Variants in VWA8 observed in about 807,000 individuals in gnomAD.
The protein encoded by VWA8 is von Willebrand factor A domain-containing protein 8.
Under a neutral mutation model 241.5 loss-of-function variants are expected in VWA8, and 221 were observed. That is an observed-to-expected ratio of 0.91 (90% CI 0.82 to 1.02). The LOEUF (loss-of-function observed/expected upper bound fraction) is 1.02. Among genes scored for constraint, VWA8 ranks in the 50% least tolerant of loss-of-function variants. VWA8 has a pLI of 0.00. For missense variants in VWA8, 2,322 were observed against 2,328.7 expected (o/e 1.00, Z 0.06); for synonymous variants, 852 against 827.1 (o/e 1.03, Z -0.52).
intron 12 of VWA8, among the ~76,000 whole-genome samples, chr13:41,851,509 A>G (rs147181271): frequency 2.5e-3 from 385 of 152,272 alleles, no homozygotes; most frequent in African/African-American, 9.0e-3. Context: ...TAATTGAATC[A>G]TGGAGCCTGG....
intron 4 of VWA8, among the ~76,000 whole-genome samples, chr13:41,895,961 C>T (rs1262158973): frequency 6.6e-6 from 1 of 150,562 alleles, no homozygotes; most frequent in Non-Finnish European, 1.5e-5. Flanking sequence ...TTCTAAATGT[C>T]TCTAACTTTC....
chr13:41,791,702 TA>T (rs1869470758), intron 17 of VWA8, among the ~76,000 whole-genome samples: 1 of 151,924 alleles, frequency 6.6e-6, no homozygotes, highest in South Asian at 2.1e-4. Context: ...TTATGATAGA[TA>T]ACTGTAAATG....
chr13:41,670,066 C>T (rs1349579887), intron 37 of VWA8, among the ~76,000 whole-genome samples: 1 of 151,888 alleles, frequency 6.6e-6, no homozygotes, highest in Non-Finnish European at 1.5e-5. Flanking sequence ...CAAAAATAAT[C>T]ACATAAAATA....
At chr13:41,709,458 T>A (rs1009070311) in intron 26 of VWA8, among the ~76,000 whole-genome samples, 3 of 152,254 alleles carry the variant, frequency 2.0e-5, no homozygotes, top group Admixed American at 6.5e-5. Flanking sequence ...GGAGTCTTTT[T>A]AAATTAGAAA....
At chr13:41,812,886 A>T (rs115691807) in intron 16 of VWA8, among the ~76,000 whole-genome samples, 1,671 of 152,314 alleles carry the variant, frequency 0.011, 31 homozygotes, top group African/African-American at 0.039. Flanking sequence ...TAAATCATAA[A>T]TTACAATTCA....
intron 12 of VWA8, among the ~76,000 whole-genome samples, chr13:41,863,664 C>T (rs1332636424): frequency 6.6e-6 from 1 of 151,598 alleles, no homozygotes; most frequent in Non-Finnish European, 1.5e-5. Flanking sequence ...AAAATCATGT[C>T]CTTTGCAGCA....
intron 38 of VWA8, among the ~76,000 whole-genome samples, chr13:41,613,405 A>G (rs1306526138): frequency 1.3e-5 from 2 of 152,226 alleles, no homozygotes; most frequent in Admixed American, 1.3e-4. Flanking sequence ...GACAGTGACA[A>G]TGAGCTATAG....
chr13:41,683,470 TG>T (rs2045114510), intron 35 of VWA8, among the ~76,000 whole-genome samples: 1 of 152,118 alleles, frequency 6.6e-6, no homozygotes, highest in South Asian at 2.1e-4. Flanking sequence ...CAAAATGGAA[TG>T]GGGGAAGTTT....
At chr13:41,863,853 G>A (rs373782549) in intron 12 of VWA8, among the ~76,000 whole-genome samples, 418 of 152,184 alleles carry the variant, frequency 2.7e-3, no homozygotes, top group African/African-American at 8.4e-3. Flanking sequence ...CAGATACTAT[G>A]TTTAACTGCC....
At chr13:41,784,680 T>TTATAAATATACATATACA (rs1869059439) in intron 18 of VWA8, among the ~76,000 whole-genome samples, 1 of 57,616 alleles carries the variant, frequency 1.7e-5, no homozygotes, top group African/African-American at 5.8e-5. Flanking sequence ...CTCTCTCTCT[T>TTATAAATATACATATACA]TATACATATA....
intron 12 of VWA8, among the ~76,000 whole-genome samples, chr13:41,860,506 G>C (rs531515384): frequency 6.6e-6 from 1 of 152,252 alleles, no homozygotes; most frequent in Non-Finnish European, 1.5e-5. Flanking sequence ...ACTCAAAAGT[G>C]TATCAGGAAA....
intron 17 of VWA8, among the ~76,000 whole-genome samples, chr13:41,810,989 T>C (rs1005712127): frequency 6.6e-6 from 1 of 152,090 alleles, no homozygotes; most frequent in Non-Finnish European, 1.5e-5. Context: ...TTCTGCAGGC[T>C]GTACAGGAAG....
chr13:41,788,053 G>A (rs1487705820), intron 17 of VWA8, among the ~76,000 whole-genome samples: 2 of 152,080 alleles, frequency 1.3e-5, no homozygotes, highest in Non-Finnish European at 2.9e-5. Flanking sequence ...TATTCTATGT[G>A]TATGTTGTCA....
intron 35 of VWA8, among the ~76,000 whole-genome samples, chr13:41,682,219 A>AT (rs1209137648): frequency 1.3e-5 from 2 of 151,432 alleles, no homozygotes; most frequent in Non-Finnish European, 2.9e-5. Flanking sequence ...AGACCCACTC[A>AT]TGTGGGCAGC....
At chr13:41,765,823 ACT>A in intron 20 of VWA8, among the ~76,000 whole-genome samples, 1 of 152,242 alleles carries the variant, frequency 6.6e-6, no homozygotes, top group South Asian at 2.1e-4. Flanking sequence ...TATATCATTA[ACT>A]CTTATTGAGA....
At chr13:41,604,305 T>C (rs1029563334) in intron 40 of VWA8, among the ~76,000 whole-genome samples, 4 of 152,190 alleles carry the variant, frequency 2.6e-5, no homozygotes, top group Non-Finnish European at 5.9e-5. Context: ...CCTAAATAAC[T>C]GCATATAGAT....
chr13:41,609,219 A>G (rs914293077), intron 39 of VWA8, among the ~76,000 whole-genome samples: 1 of 152,150 alleles, frequency 6.6e-6, no homozygotes, highest in Non-Finnish European at 1.5e-5. Context: ...AACGGGAAAG[A>G]GTGATAAGAG....
intron 30 of VWA8, among the ~76,000 whole-genome samples, chr13:41,692,388 A>G (rs2045184311): frequency 6.6e-6 from 1 of 151,980 alleles, no homozygotes; most frequent in Non-Finnish European, 1.5e-5. Flanking sequence ...TTTTTTCTGA[A>G]TGGCAGAATA....
intron 37 of VWA8, among the ~76,000 whole-genome samples, chr13:41,615,462 T>G (rs1352248108): frequency 1.3e-5 from 2 of 152,202 alleles, no homozygotes; most frequent in East Asian, 3.8e-4. Flanking sequence ...GATCACCACC[T>G]AGCTGATCCA....
Sources: gnomAD v4.1 joint callset for allele counts (sites outside exome capture counted in the v4.1 genomes callset) on GRCh38, gnomAD v4.1.1 for gene constraint, MANE v1.5 for transcripts, NCBI Gene and HGNC (gene_info 2026-07-23, HGNC 2026-07-21) for gene names.